ATF3: variants seen among roughly 807,000 people sequenced by gnomAD.
The protein encoded by ATF3 is activating transcription factor 3, also known as cyclic AMP-dependent transcription factor ATF-3.
A neutral mutation model predicts 18.4 loss-of-function variants in ATF3; 10 were observed. The ratio of observed to expected loss-of-function variants is 0.54; its 90% CI spans 0.34 to 0.92. ATF3 has a LOEUF of 0.92. Ranked by LOEUF, ATF3 falls within the 40% of genes least tolerant of loss-of-function variation. ATF3 has a pLI of 0.02. For synonymous variants in ATF3, 78 were observed against 87.9 expected (o/e 0.89, Z 0.63); for missense variants, 183 against 222.3 (o/e 0.82, Z 1.12).
chr1:212,570,097 A>G (rs1030485854), intron 1 of ATF3, among the ~76,000 whole-genome samples: 2 of 151,600 alleles, frequency 1.3e-5, no homozygotes, highest in Non-Finnish European at 2.9e-5. Context: ...AAAATGTTTT[A>G]TAATATGTAA....
chr1:212,587,487 T>C (rs114007979), intron 1 of ATF3, among the ~76,000 whole-genome samples: 88 of 152,276 alleles, frequency 5.8e-4, no homozygotes, highest in African/African-American at 1.9e-3. Flanking sequence ...CAATCTCTAG[T>C]CTGTACCTCT....
At position 212,618,015 on chromosome 1, in the gene ATF3, A is replaced by G; in HGVS notation, c.241-112A>G. On this transcript the variant is annotated intron_variant, in intron 2 of 3. Transcript: ENST00000341491. The surrounding 1 kb of genome is among the most constrained non-coding windows in gnomAD (Gnocchi z 4.4). ...GAGCTTTAGTATTTCGGGGTCTTTT[A>G]GCGCTAGCATTGCCCTTGTCTGCCA... 1 of 1,008,562 alleles carries G rather than the reference A, an allele frequency of 9.9e-7. No individual in the cohort carries two copies. The highest frequency in any genetic ancestry group is 1.5e-6 in the Non-Finnish European group (1 of 659,310). The allele number at this position is 1,008,562 out of a possible 1,614,324, so 62.5% of individuals were successfully genotyped here.
chr1:212,587,012 T>C (rs921001855), intron 1 of ATF3, among the ~76,000 whole-genome samples: 1 of 152,218 alleles, frequency 6.6e-6, no homozygotes, highest in Non-Finnish European at 1.5e-5. Context: ...GGGGACTTTC[T>C]GTCTCTGACG....
At chr1:212,588,166 C>T (rs1169581336) in intron 1 of ATF3, among the ~76,000 whole-genome samples, 1 of 152,128 alleles carries the variant, frequency 6.6e-6, no homozygotes, top group East Asian at 1.9e-4. Flanking sequence ...TTTAAGGAGA[C>T]ATTGAAACCC....
At chr1:212,581,724 AC>A (rs1664688193) in intron 1 of ATF3, among the ~76,000 whole-genome samples, 1 of 152,230 alleles carries the variant, frequency 6.6e-6, no homozygotes, top group East Asian at 1.9e-4. Flanking sequence ...ATTACTCAGT[AC>A]CCAGAGACAT....
chr1:212,603,774 A>ATGTGTGTGTGTG (rs200683844), upstream of ATF3, among the ~76,000 whole-genome samples: 2 of 81,860 alleles, frequency 2.4e-5, no homozygotes, highest in African/African-American at 1.2e-4. Context: ...GTGTGTATAT[A>ATGTGTGTGTGTG]TATGTGTGTG....
At chr1:212,568,406 C>T (rs758558121) in intron 1 of ATF3, among the ~76,000 whole-genome samples, 5 of 152,194 alleles carry the variant, frequency 3.3e-5, no homozygotes, top group Non-Finnish European at 4.4e-5. Flanking sequence ...GCATGCTCCA[C>T]ATTTGCATCA....
chr1:212,608,404 C>T (rs1373949315), upstream of ATF3, among the ~76,000 whole-genome samples: 1 of 152,144 alleles, frequency 6.6e-6, no homozygotes, highest in African/African-American at 2.4e-5. Context: ...GGCTTGGGCA[C>T]CATTGGTCAT....
At chr1:212,596,150 A>G (rs968915619) in intron 1 of ATF3, among the ~76,000 whole-genome samples, 8 of 152,250 alleles carry the variant, frequency 5.3e-5, no homozygotes, top group African/African-American at 1.7e-4. Context: ...GAAATTTAAC[A>G]TGAGAAAAAA....
intron 1 of ATF3, among the ~76,000 whole-genome samples, chr1:212,589,678 C>A (rs546076039): frequency 7.4e-6 from 1 of 134,844 alleles, no homozygotes; most frequent in Admixed American, 7.3e-5. Context: ...AGTGAGACAC[C>A]GTCTCAAAAA....
At chr1:212,584,624 T>A (rs1008999972) in intron 1 of ATF3, among the ~76,000 whole-genome samples, 2 of 152,192 alleles carry the variant, frequency 1.3e-5, no homozygotes, top group African/African-American at 2.4e-5. Flanking sequence ...CCTTGATCCA[T>A]CAGTTTAAAT....
chr1:212,604,282 G>A (rs549601168), upstream of ATF3, among the ~76,000 whole-genome samples: 5 of 152,308 alleles, frequency 3.3e-5, no homozygotes, highest in East Asian at 9.6e-4. Context: ...GGTCTCCTGA[G>A]TCCTGCTAAT....
At chr1:212,584,338 G>A (rs1664738976) in intron 1 of ATF3, among the ~76,000 whole-genome samples, 1 of 151,996 alleles carries the variant, frequency 6.6e-6, no homozygotes, top group Non-Finnish European at 1.5e-5. Flanking sequence ...TTATTGTAAG[G>A]GACTTGGCTC....
At chr1:212,614,524 C>T (rs746507268) in intron 1 of ATF3, among the ~76,000 whole-genome samples, 2 of 148,508 alleles carry the variant, frequency 1.3e-5, no homozygotes, top group African/African-American at 2.5e-5. Flanking sequence ...TTCAGCTTGA[C>T]GTCAAGCCTC....
chr1:212,585,980 G>T (rs921993733), intron 1 of ATF3, among the ~76,000 whole-genome samples: 5 of 152,166 alleles, frequency 3.3e-5, no homozygotes, highest in African/African-American at 1.2e-4. Context: ...GATATGTTGT[G>T]GTCTCCAGTG....
chr1:212,588,456 G>A (rs562694574), intron 1 of ATF3, among the ~76,000 whole-genome samples: 3 of 152,024 alleles, frequency 2.0e-5, no homozygotes, highest in African/African-American at 7.3e-5. Flanking sequence ...AAGAGCTTTG[G>A]AGTCTCTTTT....
At chr1:212,591,539 C>A (rs966421664) in intron 1 of ATF3, among the ~76,000 whole-genome samples, 1 of 152,040 alleles carries the variant, frequency 6.6e-6, no homozygotes, top group Non-Finnish European at 1.5e-5. Context: ...TGCTCTCCAT[C>A]CCCCCCGCCC....
chr1:212,595,263 G>C (rs1483571475), intron 1 of ATF3, among the ~76,000 whole-genome samples: 1 of 152,212 alleles, frequency 6.6e-6, no homozygotes, highest in Non-Finnish European at 1.5e-5. Context: ...GTGGAGATTT[G>C]CCGGTTCATA....
At chr1:212,594,338 T>C (rs529233582) in intron 1 of ATF3, among the ~76,000 whole-genome samples, 1 of 152,334 alleles carries the variant, frequency 6.6e-6, no homozygotes, top group South Asian at 2.1e-4. Context: ...TCATTATTTT[T>C]CTTTTAAAAT....
Sources: allele counts gnomAD v4.1 joint callset (sites outside exome capture counted in the v4.1 genomes callset), GRCh38; gene constraint gnomAD v4.1.1; non-coding constraint Gnocchi (gnomAD v3.1); transcripts MANE v1.5; gene names NCBI Gene and HGNC (gene_info 2026-07-23, HGNC 2026-07-21).